MYO16: variants seen among roughly 807,000 people sequenced by gnomAD.
MYO16 encodes unconventional myosin-XVI.
In MYO16, 94 loss-of-function variants were observed where a neutral mutation model predicts 205.3. The ratio of observed to expected loss-of-function variants is 0.46; its 90% CI spans 0.39 to 0.54. The LOEUF (loss-of-function observed/expected upper bound fraction) is 0.54, where lower values mean the gene tolerates loss of function less well. MYO16 is among the 20% of genes least tolerant of loss of function. The pLI, the probability that MYO16 is intolerant of heterozygous loss-of-function variation, is 0.00. For synonymous variants in MYO16, 988 were observed against 954.0 expected (o/e 1.04, Z -0.66); for missense variants, 2,315 against 2,387.5 (o/e 0.97, Z 0.63).
chr13:109,155,092 T>G (rs1282334821), intron 32 of MYO16, among the ~76,000 whole-genome samples: 1 of 152,148 alleles, frequency 6.6e-6, no homozygotes. Flanking sequence ...ACTGAAAACC[T>G]TATTTATACT....
At chr13:108,857,960 C>A (rs960108263) in intron 11 of MYO16, among the ~76,000 whole-genome samples, 2 of 152,134 alleles carry the variant, frequency 1.3e-5, no homozygotes, top group African/African-American at 2.4e-5. Context: ...CTGCTCAATT[C>A]CTAAAATACA....
rs762138207 is a variant in MYO16 at position 109,140,481 on chromosome 13, T to A, written c.4269T>A (p.Pro1423=). Reference sequence around the variant, plus strand: ...AGTGCGCGCTGCCCCCGGCGGCGCCTCCGGGTGACGAGGACGACAGCGAGC... The same window carrying A: ...AGTGCGCGCTGCCCCCGGCGGCGCCACCGGGTGACGAGGACGACAGCGAGC... ...TPQCALPPAA[P]PGDEDDSEPV... is the part of the protein sequence containing the mutation. Residue 1423 remains proline, a synonymous_variant, in exon 32 of 35, where the codon CCT becomes CCA. Transcript: ENST00000457511. The surrounding 1 kb of genome is among the most constrained non-coding windows in gnomAD (Gnocchi z 8.0). The A allele has an allele frequency of 6.5e-7, 1 of 1,539,786 alleles. No homozygotes were observed. The highest frequency in any genetic ancestry group is 8.7e-7 in the Non-Finnish European group (1 of 1,152,198).
intron 28 of MYO16, among the ~76,000 whole-genome samples, chr13:109,119,318 A>C (rs1875873096): frequency 6.6e-6 from 1 of 152,340 alleles, no homozygotes; most frequent in East Asian, 1.9e-4. Flanking sequence ...TTGAGAGCAC[A>C]CATGTTAGAC....
At chr13:109,032,632 A>C (rs947605115) in intron 23 of MYO16, among the ~76,000 whole-genome samples, 2 of 152,208 alleles carry the variant, frequency 1.3e-5, no homozygotes, top group African/African-American at 2.4e-5. Context: ...ATAGATGTAG[A>C]CTTTGGTGTA....
chr13:108,855,146 G>T (rs1156774558), intron 10 of MYO16: 1 of 246,830 alleles, frequency 4.1e-6, no homozygotes, highest in African/African-American at 2.2e-5. Flanking sequence ...TAGGGAATAA[G>T]AAAAGTCAAC....
intron 20 of MYO16, among the ~76,000 whole-genome samples, chr13:108,965,683 G>A (rs1049287581): frequency 6.6e-6 from 1 of 152,190 alleles, no homozygotes; most frequent in African/African-American, 2.4e-5. Context: ...TGGGATTACA[G>A]GCATGAGCCA....
chr13:109,075,390 TC>T (rs1888064666), intron 27 of MYO16, among the ~76,000 whole-genome samples: 1 of 151,980 alleles, frequency 6.6e-6, no homozygotes, highest in African/African-American at 2.4e-5. Context: ...CCTTTTTTTT[TC>T]TTTTTCTTTT....
At chr13:109,002,636 A>G (rs961185664) in intron 21 of MYO16, among the ~76,000 whole-genome samples, 1 of 152,212 alleles carries the variant, frequency 6.6e-6, no homozygotes, top group Non-Finnish European at 1.5e-5. Context: ...TTGAACCCCA[A>G]AACAACTCTA....
At chr13:108,557,631 T>C in the MYO16 span, among the ~76,000 whole-genome samples, 36 of 152,306 alleles carry the variant, frequency 2.4e-4, no homozygotes, top group South Asian at 7.1e-3. Flanking sequence ...TTACTTGAAG[T>C]TGAAGACAAT....
chr13:108,839,447 A>G (rs558942014), intron 9 of MYO16, among the ~76,000 whole-genome samples: 98 of 152,242 alleles, frequency 6.4e-4, no homozygotes, highest in Non-Finnish European at 1.2e-3. Context: ...TAACTATACT[A>G]TTGAGAAGAA....
intron 27 of MYO16, among the ~76,000 whole-genome samples, chr13:109,092,352 T>C (rs983521845): frequency 2.6e-5 from 4 of 151,186 alleles, no homozygotes; most frequent in Non-Finnish European, 5.9e-5. Context: ...CAGTGACAGA[T>C]TGGATAAAGA....
intron 16 of MYO16, among the ~76,000 whole-genome samples, chr13:108,941,077 A>G (rs1376360858): frequency 6.6e-6 from 1 of 152,096 alleles, no homozygotes; most frequent in Non-Finnish European, 1.5e-5. Flanking sequence ...CACAGGCTGG[A>G]AACAAAAATG....
At chr13:109,084,570 C>T (rs1006292564) in intron 27 of MYO16, among the ~76,000 whole-genome samples, 2 of 152,122 alleles carry the variant, frequency 1.3e-5, no homozygotes, top group Non-Finnish European at 2.9e-5. Context: ...ATCATCACAT[C>T]CGTGAATCAT....
intron 20 of MYO16, among the ~76,000 whole-genome samples, chr13:108,970,208 T>C (rs574237235): frequency 6.6e-6 from 1 of 152,360 alleles, no homozygotes; most frequent in South Asian, 2.1e-4. Flanking sequence ...CTGAGTTGCC[T>C]TATACTTATT....
chr13:108,660,135 G>A (rs1470312385), intron 1 of MYO16, among the ~76,000 whole-genome samples: 1 of 152,146 alleles, frequency 6.6e-6, no homozygotes, highest in South Asian at 2.1e-4. Context: ...GGTAGCTATT[G>A]TAGAAGTATA....
At position 109,008,223 on chromosome 13, in the gene MYO16, C is replaced by A. The variant is rs149056151; in HGVS notation, c.2443-674C>A. The stretch of plus-strand genomic sequence containing the variant: ...TTTTGGTAGACTAATTGGTTGGAAA[C>A]TCCCTGAGTCAATACTTTCCCAATC... On this transcript the variant is annotated intron_variant, in intron 21 of 34. Coordinates refer to ENST00000457511, the MANE Select transcript of MYO16 (RefSeq NM_001198950.3). 9.9e-3 allele frequency among the ~76,000 whole-genome samples: 1,512 copies of A among 152,328 alleles called. 17 individuals carry two copies. The highest frequency in any genetic ancestry group is 0.035 in the African/African-American group (1,436 of 41,576).
chr13:109,058,802 A>G (rs1324352992), intron 27 of MYO16, among the ~76,000 whole-genome samples: 1 of 152,162 alleles, frequency 6.6e-6, no homozygotes, highest in African/African-American at 2.4e-5. Flanking sequence ...CGAAGCTGCA[A>G]CAGCATTTTA....
chr13:109,106,614 T>C (rs1889128803), intron 28 of MYO16, among the ~76,000 whole-genome samples: 1 of 152,230 alleles, frequency 6.6e-6, no homozygotes, highest in African/African-American at 2.4e-5. Context: ...GTTATTTGAA[T>C]GCTATATTCA....
At chr13:108,990,384 AT>A (rs1267963467) in intron 20 of MYO16, among the ~76,000 whole-genome samples, 2 of 152,116 alleles carry the variant, frequency 1.3e-5, no homozygotes, top group Non-Finnish European at 2.9e-5. Flanking sequence ...GACACAATAC[AT>A]TTTTACATAA....
Sources: gnomAD v4.1 joint callset for allele counts (sites outside exome capture counted in the v4.1 genomes callset) on GRCh38, gnomAD v4.1.1 for gene constraint, Gnocchi (gnomAD v3.1) non-coding constraint, MANE v1.5 for transcripts, NCBI Gene and HGNC (gene_info 2026-07-23, HGNC 2026-07-21) for gene names.